The following DNMBP variants were observed in gnomAD, a reference collection of about 807,000 sequenced individuals.
DNMBP encodes the protein dynamin binding protein, also known as dynamin-binding protein.
A neutral mutation model predicts 150.0 loss-of-function variants in DNMBP; 87 were observed. The ratio of observed to expected loss-of-function variants is 0.58; its 90% CI spans 0.49 to 0.69. The LOEUF (loss-of-function observed/expected upper bound fraction) is 0.69, where lower values mean the gene tolerates loss of function less well. DNMBP is among the 30% of genes least tolerant of loss of function. The pLI is 0.00. For synonymous variants in DNMBP, 711 were observed against 750.4 expected (o/e 0.95, Z 0.86); for missense variants, 1,774 against 1,949.0 (o/e 0.91, Z 1.69).
chr10:99,920,145 G>A (rs773634336), intron 4 of DNMBP, among the ~76,000 whole-genome samples: 1 of 150,650 alleles, frequency 6.6e-6, no homozygotes, highest in South Asian at 2.1e-4. Context: ...ATGTGATCTC[G>A]CCTCACCGCA....
rs774590315 is a variant in DNMBP, at chr10:99,955,733, C to T, written c.1741G>A (p.Asp581Asn). Residue 581 changes from aspartate (D) to asparagine (N), a missense_variant, in exon 4 of 17, where the codon GAC (aspartate) becomes AAC (asparagine). This residue lies in a region of DNMBP where 1,430 missense variants were observed against 1,492.5 expected (regional missense o/e 0.96). Coordinates refer to ENST00000324109, the MANE Select transcript of DNMBP (RefSeq NM_015221.4). ...DKILRHFSIM[D>N]FNSEKDIVRG... ...ACAATATCCTTCTCAGAGTTAAAGT[C>T]CATGATTGAAAAGTGGCGTAAAATT... 1.9e-5 allele frequency: 31 copies of T among 1,614,106 alleles called. No homozygotes were observed. The highest frequency in any genetic ancestry group is 2.5e-5 in the Non-Finnish European group (30 of 1,180,056).
chr10:99,914,593 G>A (rs147121030), intron 4 of DNMBP, among the ~76,000 whole-genome samples: 2 of 152,260 alleles, frequency 1.3e-5, no homozygotes, highest in Non-Finnish European at 2.9e-5. Context: ...GCAAGAACAG[G>A]GATGGCAGGA....
chr10:99,971,844 C>T, intron 2 of DNMBP, 136 bp downstream of exon 2: 1 of 908,490 alleles, frequency 1.1e-6, no homozygotes, highest in Non-Finnish European at 1.6e-6. Context: ...AATTTTCTTT[C>T]TTTCTTTCTT....
intron 12 of DNMBP, 101 bp downstream of exon 12, chr10:99,888,724 C>T: frequency 7.1e-7 from 1 of 1,402,438 alleles, no homozygotes; most frequent in Non-Finnish European, 9.8e-7. Flanking sequence ...ACTAATATGC[C>T]TGGTGCCCAG....
intron 15 of DNMBP, 80 bp from the exon 16 acceptor site, chr10:99,880,441 A>C (rs1358711664): frequency 7.0e-7 from 1 of 1,432,842 alleles, no homozygotes; most frequent in Non-Finnish European, 9.1e-7. Flanking sequence ...GAGAAAAAAA[A>C]CTGATCTAGG....
At chr10:99,985,745 G>T (rs12251704) in intron 1 of DNMBP, among the ~76,000 whole-genome samples, 6,726 of 152,206 alleles carry the variant, frequency 0.044, 165 homozygotes, top group South Asian at 0.087. Context: ...AAGGCTAAAT[G>T]AATAATTTCT....
rs2039472971 is a variant in DNMBP, at chr10:99,886,718, T to G, written c.3286-86A>C. The G allele has an allele frequency of 2.2e-6, 3 of 1,336,954 alleles. No individual in the cohort carries two copies. In the Admixed American group the frequency reaches 6.0e-5, roughly 27 times the overall value. The allele number at this position is 1,336,954 out of a possible 1,614,324, so 82.8% of individuals were successfully genotyped here. On this transcript the variant is annotated intron_variant, in intron 12 of 16. Transcript: ENST00000324109. ...AAGTCACTCTTAAGGCTGACTTTGTTGTGTCCTGAACCACCTACTTCGTTT... is the reference window on the plus strand; with the variant it reads ...AAGTCACTCTTAAGGCTGACTTTGTGGTGTCCTGAACCACCTACTTCGTTT...
chr10:99,913,436 GGTAAAAT>G (rs1318258267), intron 4 of DNMBP, among the ~76,000 whole-genome samples: 2 of 152,022 alleles, frequency 1.3e-5, no homozygotes, highest in Non-Finnish European at 2.9e-5. Context: ...AAATACACTT[GGTAAAAT>G]GTACCAAGCA....
chr10:99,881,870 CATA>C (rs2039372456), intron 15 of DNMBP, among the ~76,000 whole-genome samples: 2 of 152,052 alleles, frequency 1.3e-5, no homozygotes, highest in South Asian at 2.1e-4. Context: ...GTGGTGAATA[CATA>C]ATGTCTGTCT....
intron 1 of DNMBP, among the ~76,000 whole-genome samples, chr10:99,982,714 AG>A (rs1442849190): frequency 6.6e-6 from 1 of 152,142 alleles, no homozygotes; most frequent in Non-Finnish European, 1.5e-5. Context: ...GCACTTTGGG[AG>A]GCCAAGACAG....
chr10:99,921,781 CT>C (rs1372004642), intron 4 of DNMBP, among the ~76,000 whole-genome samples: 1 of 137,080 alleles, frequency 7.3e-6, no homozygotes, highest in Non-Finnish European at 1.5e-5. Context: ...ATGAGAATCG[CT>C]TGAACCTGGG....
Position 99,880,332 on chromosome 10 carries a change from G to C in DNMBP, c.4027C>G (p.Leu1343Val). The C allele has an allele frequency of 6.2e-7, 1 of 1,605,318 alleles. No individual in the cohort carries two copies. Among genetic ancestry groups the C allele is most frequent in the Non-Finnish European group, 8.5e-7 (1 of 1,176,348 alleles). Residue 1343 changes from leucine to valine, a missense_variant, in exon 16 of 17, where the codon CTA becomes GTA. This residue lies in a region of DNMBP where 1,430 missense variants were observed against 1,492.5 expected (regional missense o/e 0.96). Coordinates refer to ENST00000324109, the MANE Select transcript of DNMBP (RefSeq NM_015221.4). ...CTGCGGCGAGGATTGTAGGGCTTTA[G>C]GAAAGAGCTGTACACGAAGCCTTTG... is the stretch of plus-strand genomic sequence containing the variant. Reference protein sequence around the residue: ...VTKGFVYSSFLKPYNPRRSHS... With the variant: ...VTKGFVYSSFVKPYNPRRSHS...
intron 1 of DNMBP, among the ~76,000 whole-genome samples, chr10:99,988,243 A>G (rs1182741039): frequency 1.3e-5 from 2 of 152,194 alleles, no homozygotes; most frequent in Non-Finnish European, 2.9e-5. Flanking sequence ...TATCCTCTTT[A>G]GAGACTTCAA....
At chr10:100,008,545 T>C (rs2041099654) in intron 1 of DNMBP, among the ~76,000 whole-genome samples, 1 of 152,226 alleles carries the variant, frequency 6.6e-6, no homozygotes, top group Non-Finnish European at 1.5e-5. Flanking sequence ...ATAAAGTGAC[T>C]GAGAGAGCTG....
rs766990809 is a variant in DNMBP, at chr10:99,879,872, G to A, written c.4487C>T (p.Thr1496Ile). Reference sequence around the variant, plus strand: ...ACTTCTGTCTTCCGGAGCCTGGGCTGTTCTTGCACATCCTTTGACGAGGTC... The same window carrying A: ...ACTTCTGTCTTCCGGAGCCTGGGCTATTCTTGCACATCCTTTGACGAGGTC... ...SQDLVKGCAR[T>I]AQAPEDRSTE... Residue 1496 changes from threonine to isoleucine, a missense_variant, in exon 16 of 17, where the codon ACA becomes ATA. Thr to Ile is a moderately conservative substitution (Grantham distance 89, BLOSUM62 -1). Transcript: ENST00000324109. 1.2e-6 allele frequency: 2 copies of A among 1,614,222 alleles called. No homozygotes were observed. The highest frequency in any genetic ancestry group is 2.2e-5 in the South Asian group (2 of 91,082).
chr10:99,975,897 C>G (rs1219668503), intron 1 of DNMBP, among the ~76,000 whole-genome samples: 1 of 152,202 alleles, frequency 6.6e-6, no homozygotes, highest in East Asian at 1.9e-4. Flanking sequence ...TCATTGAGTA[C>G]TTCCTAGGTA....
chr10:99,952,420 G>A (rs1328721377), intron 4 of DNMBP, among the ~76,000 whole-genome samples: 1 of 152,178 alleles, frequency 6.6e-6, no homozygotes, highest in African/African-American at 2.4e-5. Context: ...CAGGGACTCT[G>A]AAATCAAGGT....
At chr10:99,981,949 C>A (rs907618814) in intron 1 of DNMBP, among the ~76,000 whole-genome samples, 1 of 152,194 alleles carries the variant, frequency 6.6e-6, no homozygotes, top group African/African-American at 2.4e-5. Context: ...TTCCATCCCC[C>A]ACCTCTTCAG....
Position 99,908,091 on chromosome 10 carries a change from G to A in DNMBP, c.2458C>T (p.Pro820Ser). The A allele has an allele frequency of 1.2e-6, 2 of 1,609,798 alleles. No homozygotes were observed. The highest frequency in any genetic ancestry group is 1.7e-6 in the Non-Finnish European group (2 of 1,176,302). ...IMVPMQQAQV[P>S]NIDFEGLFGN... The stretch of plus-strand genomic sequence containing the variant: ...AAAAGTCCCTCAAAATCAATGTTTG[G>A]TACCTGAGAAAAGGAAACAAAACAT... The change falls in exon 6 of 17, where the codon CCA becomes TCA. Residue 820 changes from proline to serine, a missense_variant. Pro to Ser is a moderately conservative substitution (Grantham distance 74, BLOSUM62 -1). Coordinates refer to ENST00000324109, the MANE Select transcript of DNMBP (RefSeq NM_015221.4).
Sources: gnomAD v4.1 joint callset for allele counts (sites outside exome capture counted in the v4.1 genomes callset) on GRCh38, gnomAD v4.1.1 for gene constraint, gnomAD v4.1.1 regional missense constraint, MANE v1.5 for transcripts, NCBI Gene and HGNC (gene_info 2026-07-23, HGNC 2026-07-21) for gene names.